PHF24: variants seen among roughly 807,000 people sequenced by gnomAD.
PHF24 encodes Galpha inhibitory interacting protein.
Under a neutral mutation model 42.6 loss-of-function variants are expected in PHF24, and 25 were observed. The ratio of observed to expected loss-of-function variants is 0.59; its 90% CI spans 0.43 to 0.82. The LOEUF (loss-of-function observed/expected upper bound fraction) is 0.82. Among genes scored for constraint, PHF24 ranks in the 40% least tolerant of loss-of-function variants. The probability of loss-of-function intolerance (pLI) is 0.00; values close to 1 mark genes in which losing one functional copy is unlikely to be tolerated. For synonymous variants in PHF24, 185 were observed against 204.8 expected, an observed-to-expected ratio of 0.90 and a Z score of 0.83; for missense variants, 470 against 538.1, an observed-to-expected ratio of 0.87 and a Z score of 1.25.
chr9:34,926,688 G>A, the PHF24 span, among the ~76,000 whole-genome samples: 1 of 151,918 alleles, frequency 6.6e-6, no homozygotes. The surrounding 1 kb of genome is among the most constrained non-coding windows in gnomAD (Gnocchi z 4.3). Flanking sequence ...AGGTCTGGGG[G>A]CAGGCACAGG....
the PHF24 span, among the ~76,000 whole-genome samples, chr9:34,802,744 T>A: frequency 6.6e-6 from 1 of 152,174 alleles, no homozygotes; most frequent in South Asian, 2.1e-4. Context: ...GATTTTCAGA[T>A]CCTTTCCATT....
the PHF24 span, chr9:34,723,645 G>A: frequency 6.4e-7 from 1 of 1,551,680 alleles, no homozygotes; most frequent in Admixed American, 2.0e-5. Flanking sequence ...TTTTGAGCAT[G>A]GACTGGCATC....
the PHF24 span, among the ~76,000 whole-genome samples, chr9:34,785,684 T>C: frequency 1.3e-5 from 2 of 152,166 alleles, no homozygotes; most frequent in African/African-American, 4.8e-5. Context: ...ACCAAGTTCT[T>C]AGGGTGTCAG....
chr9:34,887,617 C>G, the PHF24 span, among the ~76,000 whole-genome samples: 2 of 152,202 alleles, frequency 1.3e-5, no homozygotes, highest in East Asian at 3.8e-4. Context: ...TCGCTTATCA[C>G]CCTCAAGTCC....
At chr9:34,914,748 G>A in the PHF24 span, among the ~76,000 whole-genome samples, 3 of 151,764 alleles carry the variant, frequency 2.0e-5, no homozygotes, top group African/African-American at 7.3e-5. Flanking sequence ...GCCTTCCTGT[G>A]ATCACTTGCT....
the PHF24 span, among the ~76,000 whole-genome samples, chr9:34,812,555 C>T: frequency 6.6e-6 from 1 of 152,146 alleles, no homozygotes. Flanking sequence ...TGGTTACATA[C>T]CATCATCCCT....
chr9:34,894,950 G>A, the PHF24 span: 1 of 398,040 alleles, frequency 2.5e-6, no homozygotes, highest in Non-Finnish European at 4.4e-6. Context: ...TAGAGCACCT[G>A]CTGTTAGCAG....
chr9:34,728,127 T>C, the PHF24 span: 1 of 1,527,564 alleles, frequency 6.5e-7, no homozygotes, highest in Non-Finnish European at 8.9e-7. Flanking sequence ...GATAATTTCA[T>C]AGGCATCCTA....
chr9:34,813,708 T>A, the PHF24 span, among the ~76,000 whole-genome samples: 1 of 152,204 alleles, frequency 6.6e-6, no homozygotes, highest in African/African-American at 2.4e-5. Flanking sequence ...AGAGCAAGTG[T>A]GCTAGAAGAT....
chr9:34,840,460 C>G, the PHF24 span, among the ~76,000 whole-genome samples: 1 of 151,442 alleles, frequency 6.6e-6, no homozygotes, highest in African/African-American at 2.4e-5. Context: ...CCTCCTTGTT[C>G]TTCTTCTTCT....
chr9:34,760,273 A>G, the PHF24 span, among the ~76,000 whole-genome samples: 1 of 152,216 alleles, frequency 6.6e-6, no homozygotes, highest in Non-Finnish European at 1.5e-5. Context: ...GTTCATGGCT[A>G]CCAATTCATA....
chr9:34,810,066 T>C, the PHF24 span, among the ~76,000 whole-genome samples: 1 of 151,758 alleles, frequency 6.6e-6, no homozygotes, highest in South Asian at 2.1e-4. Context: ...CAGCGCTGCA[T>C]GCTGTCCGCC....
At chr9:34,886,818 G>GTATC in the PHF24 span, among the ~76,000 whole-genome samples, 2 of 129,252 alleles carry the variant, frequency 1.5e-5, no homozygotes, top group East Asian at 2.3e-4. Flanking sequence ...ATCTATCTAT[G>GTATC]TATCTATGTA....
chr9:34,690,283 G>T, the PHF24 span: 1 of 1,613,890 alleles, frequency 6.2e-7, no homozygotes, highest in Non-Finnish European at 8.5e-7. Context: ...CCAGGGATGG[G>T]TTTCTGGGTC....
At chr9:34,931,711 A>G in the PHF24 span, among the ~76,000 whole-genome samples, 1 of 152,142 alleles carries the variant, frequency 6.6e-6, no homozygotes, top group Non-Finnish European at 1.5e-5. Flanking sequence ...CTCATGGGAA[A>G]CAGAAGCCAC....
the PHF24 span, chr9:34,892,955 T>A: frequency 2.9e-6 from 2 of 692,978 alleles, no homozygotes; most frequent in Non-Finnish European, 5.2e-6. Flanking sequence ...CTGACTATGC[T>A]TAAAAGACAC....
chr9:34,785,984 GTCC>G, the PHF24 span, among the ~76,000 whole-genome samples: 1 of 152,108 alleles, frequency 6.6e-6, no homozygotes, highest in Non-Finnish European at 1.5e-5. Context: ...CTTAATTTCT[GTCC>G]TCATACAAGA....
chr9:34,694,195 A>T, the PHF24 span, among the ~76,000 whole-genome samples: 1 of 117,674 alleles, frequency 8.5e-6, no homozygotes, highest in African/African-American at 3.4e-5. Context: ...TTTGATACAG[A>T]GTCTCAATAT....
At chr9:34,807,065 C>T in the PHF24 span, among the ~76,000 whole-genome samples, 2,319 of 152,234 alleles carry the variant, frequency 0.015, 22 homozygotes, top group Non-Finnish European at 0.023. Context: ...CTGACTAGAA[C>T]CTCTAGTACA....
Sources: allele counts gnomAD v4.1 joint callset (sites outside exome capture counted in the v4.1 genomes callset), GRCh38; gene constraint gnomAD v4.1.1; non-coding constraint Gnocchi (gnomAD v3.1); transcripts MANE v1.5; gene names NCBI Gene and HGNC (gene_info 2026-07-23, HGNC 2026-07-21).